Variants in APOBEC3C observed in about 807,000 individuals in gnomAD.
The protein encoded by APOBEC3C is apolipoprotein B mRNA editing enzyme catalytic subunit 3C.
APOBEC3C carries 14 observed loss-of-function variants against 20.6 expected under a neutral mutation model. The observed-to-expected ratio is 0.68, with a 90% CI of 0.45 to 1.06. APOBEC3C has a LOEUF of 1.06. Among genes scored for constraint, APOBEC3C ranks in the 50% least tolerant of loss-of-function variants. The pLI is 0.00. For synonymous variants in APOBEC3C, 98 were observed against 88.8 expected, an observed-to-expected ratio of 1.10 and a Z score of -0.58; for missense variants, 244 against 241.9, an observed-to-expected ratio of 1.01 and a Z score of -0.06.
intron 2 of APOBEC3C, among the ~76,000 whole-genome samples, chr22:39,016,217 T>A (rs1449928855): frequency 9.0e-5 from 3 of 33,300 alleles, no homozygotes; most frequent in Non-Finnish European, 1.8e-4. Flanking sequence ...TTATTTATTT[T>A]GAGACGGAGT....
intron 1 of APOBEC3C, among the ~76,000 whole-genome samples, chr22:39,014,868 A>G (rs1045612909): frequency 1.2e-4 from 19 of 152,164 alleles, no homozygotes; most frequent in Non-Finnish European, 2.4e-4. Flanking sequence ...CACTTCTTCC[A>G]AAGATGCCTC....
chr22:39,015,546 A>G (rs1924747357), intron 1 of APOBEC3C, 49 bp from the exon 2 acceptor site: 1 of 1,592,800 alleles, frequency 6.3e-7, no homozygotes, highest in African/African-American at 1.3e-5. Flanking sequence ...AGCCCTGAGG[A>G]CTCCGGTGCG....
intron 2 of APOBEC3C, 88 bp downstream of exon 2, chr22:39,015,839 G>T: frequency 1.4e-6 from 2 of 1,379,400 alleles, no homozygotes; most frequent in Non-Finnish European, 9.9e-7. Flanking sequence ...TGCCCGGCGT[G>T]GGCTCTCCTG....
intron 2 of APOBEC3C, among the ~76,000 whole-genome samples, chr22:39,016,215 T>A (rs1284521884): frequency 2.0e-5 from 3 of 149,914 alleles, no homozygotes; most frequent in African/African-American, 7.4e-5. Flanking sequence ...ATTTATTTAT[T>A]TTGAGACGGA....
rs1206461230 is a variant in APOBEC3C, at chr22:39,019,538, T to G, written c.*1151T>G. 1 of 152,244 alleles carries G rather than the reference T, an allele frequency of 6.6e-6. No individual in the cohort carries two copies. Among genetic ancestry groups the G allele is most frequent in the Non-Finnish European group, 1.5e-5 (1 of 68,042 alleles). The allele number at this position is 152,244 out of a possible 1,614,324, so 9.4% of individuals were successfully genotyped here. A position where few individuals can be genotyped will look rare whatever the true frequency, so the allele number is the denominator to read the frequency against. The stretch of plus-strand genomic sequence containing the variant: ...GACATTTTCAAAGCAGATGTAAGTT[T>G]TAGAGAATGAGATTCTCCATAAAAA... On this transcript the variant is annotated 3_prime_UTR_variant, in exon 4 of 4. Coordinates refer to ENST00000361441, the MANE Select transcript of APOBEC3C (RefSeq NM_014508.3).
intron 2 of APOBEC3C, 58 bp downstream of exon 2, chr22:39,015,809 A>T: frequency 6.4e-7 from 1 of 1,555,962 alleles, no homozygotes; most frequent in Non-Finnish European, 8.7e-7. Flanking sequence ...GGAATGCAGA[A>T]AACGCAACAA....
chr22:39,018,161 A>G (rs4820361), intron 3 of APOBEC3C, 108 bp from the exon 4 acceptor site: 992,466 of 1,570,668 alleles, frequency 0.63, 316,094 homozygotes, highest in Admixed American at 0.73. Flanking sequence ...GGACCGGGCC[A>G]GCGCCCACTG....
rs963595800 is a variant in APOBEC3C, at chr22:39,015,507, C to A, written c.18-88C>A. 2.5e-5 allele frequency: 36 copies of A among 1,467,302 alleles called. No homozygotes were observed. The African/African-American group carries it at 4.8e-4, about 20-fold the overall frequency. The allele number at this position is 1,467,302 out of a possible 1,614,324, so 90.9% of individuals were successfully genotyped here. ...ATGGGGGAGGCCCAGAGCCCAGGGA[C>A]GTCCAGGCAGCTGTGTTCAGTGGGC... On this transcript the variant is annotated intron_variant, in intron 1 of 3. Coordinates refer to ENST00000361441, the MANE Select transcript of APOBEC3C (RefSeq NM_014508.3).
intron 2 of APOBEC3C, among the ~76,000 whole-genome samples, chr22:39,016,607 C>G (rs781657686): frequency 1.5e-4 from 23 of 152,154 alleles, no homozygotes; most frequent in African/African-American, 5.1e-4. Flanking sequence ...TCCCAAAAGG[C>G]CTTGTTTAGC....
intron 2 of APOBEC3C, among the ~76,000 whole-genome samples, chr22:39,016,566 T>A (rs1369914897): frequency 1.3e-5 from 2 of 152,158 alleles, no homozygotes; most frequent in Non-Finnish European, 2.9e-5. Flanking sequence ...CTGACTCTCC[T>A]GTGATCAGAT....
At position 39,019,795 on chromosome 22, in the gene APOBEC3C, C is replaced by G. The variant is rs1270408554; in HGVS notation, c.*1408C>G. 9.9e-6 allele frequency: 1 copy of G among 101,516 alleles called. No individual in the cohort carries two copies. 6.3% of individuals were successfully genotyped at this position (101,516 alleles called of 1,614,324 possible). A position where few individuals can be genotyped will look rare whatever the true frequency, so the allele number is the denominator to read the frequency against. ...CTGGGATCTCTCTGCCTCCAAATAT[C>G]ATCTTTTTTTTTTTTTTTTTTTTTT... On this transcript the variant is annotated 3_prime_UTR_variant, in exon 4 of 4. Transcript: ENST00000361441.
rs577991980 is a variant in APOBEC3C at position 39,015,431 on chromosome 22, C to T, written c.18-164C>T. Reference sequence around the variant, plus strand: ...CCAGCGTCCCCTCCTCTTTCTCTCTCCCCGTCTTCCTGCCTGGGAAAGCAG... The same window carrying T: ...CCAGCGTCCCCTCCTCTTTCTCTCTTCCCGTCTTCCTGCCTGGGAAAGCAG... On this transcript the variant is annotated intron_variant, in intron 1 of 3. Transcript: ENST00000361441. Among the ~76,000 whole-genome samples the T allele has an allele frequency of 3.8e-3, 572 of 152,260 alleles. 5 individuals are homozygous for T. Among genetic ancestry groups the T allele is most frequent in the African/African-American group, 0.013 (550 of 41,544 alleles).
Position 39,020,301 on chromosome 22 carries a change from A to T in APOBEC3C, c.*1914A>T, listed in dbSNP as rs1460075923. The T allele has an allele frequency of 3.9e-5, 6 of 152,190 alleles. No individual in the cohort carries two copies. Among genetic ancestry groups the T allele is most frequent in the African/African-American group, 7.2e-5 (3 of 41,430 alleles). The allele number at this position is 152,190 out of a possible 1,614,324, so 9.4% of individuals were successfully genotyped here. On this transcript the variant is annotated 3_prime_UTR_variant, in exon 4 of 4. Coordinates refer to ENST00000361441, the MANE Select transcript of APOBEC3C (RefSeq NM_014508.3). Reference sequence around the variant, plus strand: ...GCTCTTCCCAGGCTGCTGGATGGCTACCTTGCAGGCTGTCACCCTTAACAA... The same window carrying T: ...GCTCTTCCCAGGCTGCTGGATGGCTTCCTTGCAGGCTGTCACCCTTAACAA...
chr22:39,015,656 G>T lies in APOBEC3C; in HGVS notation c.79G>T (p.Ala27Ser), dbSNP rs1215009285. Residue 27 changes from alanine (A) to serine (S), a missense_variant, in exon 2 of 4, where the codon GCC (alanine) becomes TCC (serine). Coordinates refer to ENST00000361441, the MANE Select transcript of APOBEC3C (RefSeq NM_014508.3). Reference sequence around the variant, plus strand: ...CTTCCAATTTAAAAACCTATGGGAAGCCAACGATCGGAACGAAACTTGGCT... The same window carrying T: ...CTTCCAATTTAAAAACCTATGGGAATCCAACGATCGGAACGAAACTTGGCT... ...FYFQFKNLWE[A>S]NDRNETWLCF... The T allele has an allele frequency of 2.5e-6, 4 of 1,614,028 alleles. No individual in the cohort carries two copies. Among genetic ancestry groups the T allele is most frequent in the Non-Finnish European group, 3.4e-6 (4 of 1,180,040 alleles).
rs1238813019 is a variant in APOBEC3C, at chr22:39,018,060, G to A, written c.454+15G>A. 10 of 1,612,776 alleles carry A rather than the reference G, an allele frequency of 6.2e-6. No homozygotes were observed. In the East Asian group the frequency reaches 1.6e-4, roughly 25 times the overall value. On this transcript the variant is annotated intron_variant, in intron 3 of 3. Transcript: ENST00000361441. ...GGACTATGAAGGTGAGACGTGGGGG[G>A]CTGAGGAGAGTGGGTGCAGGAGGGA...
chr22:39,017,625 G>C, intron 2 of APOBEC3C, 141 bp from the exon 3 acceptor site: 1 of 1,140,718 alleles, frequency 8.8e-7, no homozygotes, highest in Non-Finnish European at 1.3e-6. Context: ...CTGTGCACCA[G>C]AGAGAGACCC....
chr22:39,017,106 C>T (rs1005113380), intron 2 of APOBEC3C, among the ~76,000 whole-genome samples: 14 of 152,034 alleles, frequency 9.2e-5, no homozygotes, highest in African/African-American at 2.9e-4. Context: ...GGGGTGCATG[C>T]CTGTAGTCCC....
intron 2 of APOBEC3C, 120 bp downstream of exon 2, chr22:39,015,871 TC>T (rs1924762665): frequency 1.1e-6 from 1 of 898,442 alleles, no homozygotes; most frequent in Non-Finnish European, 1.6e-6. Context: ...CTGCCACATT[TC>T]TATTTTTTTT....
At chr22:39,018,081 A>G (rs2146312175) in intron 3 of APOBEC3C, 36 bp downstream of exon 3, 1 of 1,607,918 alleles carries the variant, frequency 6.2e-7, no homozygotes, top group African/African-American at 1.3e-5. Flanking sequence ...TGGGTGCAGG[A>G]GGGACAGCAT....
Sources: gnomAD v4.1 joint callset for allele counts (sites outside exome capture counted in the v4.1 genomes callset) on GRCh38, gnomAD v4.1.1 for gene constraint, MANE v1.5 for transcripts, NCBI Gene and HGNC (gene_info 2026-07-23, HGNC 2026-07-21) for gene names.